Variants in PSKH1 observed in about 807,000 individuals in gnomAD.
The protein encoded by PSKH1 is protein serine kinase H1.
PSKH1 carries 12 observed loss-of-function variants against 26.7 expected under a neutral mutation model. The ratio of observed to expected loss-of-function variants is 0.45; its 90% confidence interval spans 0.29 to 0.73. The LOEUF (loss-of-function observed/expected upper bound fraction) is 0.73. Ranked by LOEUF, PSKH1 falls within the 30% of genes least tolerant of loss-of-function variation. The probability of loss-of-function intolerance (pLI) is 0.11; values close to 1 mark genes in which losing one functional copy is unlikely to be tolerated. For missense variants in PSKH1, 431 were observed against 595.2 expected (o/e 0.72, Z 2.87); for synonymous variants, 213 against 234.3 (o/e 0.91, Z 0.83).
intron 2 of PSKH1, among the ~76,000 whole-genome samples, chr16:67,926,114 A>T (rs2058215588): frequency 6.6e-6 from 1 of 152,054 alleles, no homozygotes; most frequent in South Asian, 2.1e-4. Context: ...AAGTGAGGGG[A>T]TCGTTAGCAT....
At chr16:67,921,314 C>T (rs1368178425) in intron 2 of PSKH1, among the ~76,000 whole-genome samples, 1 of 151,790 alleles carries the variant, frequency 6.6e-6, no homozygotes, top group Admixed American at 6.6e-5. Flanking sequence ...CTGTGGCTCA[C>T]GCCTGTATCC....
chr16:67,913,837 C>T (rs1384960596), intron 2 of PSKH1, among the ~76,000 whole-genome samples: 1 of 152,106 alleles, frequency 6.6e-6, no homozygotes, highest in Non-Finnish European at 1.5e-5. Context: ...ATAACACTGA[C>T]CTATAAGAAC....
In PSKH1 at chr16:67,901,981, C is replaced by T. The variant is rs531824380; in HGVS notation, c.-70-6699C>T. ...ATTTGTTTAAAGTGAAAAGTGAGGCCGGGTGCAGTGGCTCACACCTGTAAT... is the reference window on the plus strand; with the variant it reads ...ATTTGTTTAAAGTGAAAAGTGAGGCTGGGTGCAGTGGCTCACACCTGTAAT... On this transcript the variant is annotated intron_variant, in intron 1 of 2. Coordinates refer to ENST00000291041, the MANE Select transcript of PSKH1 (RefSeq NM_006742.3). Among the ~76,000 whole-genome samples, 4 of 152,038 alleles carry T rather than the reference C, an allele frequency of 2.6e-5. No homozygotes were observed. In the South Asian group the frequency reaches 8.3e-4, roughly 32 times the overall value.
chr16:67,924,546 G>A (rs1482457152), intron 2 of PSKH1, among the ~76,000 whole-genome samples: 1 of 152,246 alleles, frequency 6.6e-6, no homozygotes, highest in East Asian at 1.9e-4. Flanking sequence ...GTGTGGATGT[G>A]AAGTGGTGAA....
intron 1 of PSKH1, among the ~76,000 whole-genome samples, chr16:67,902,880 A>C (rs991353685): frequency 1.3e-5 from 2 of 152,100 alleles, no homozygotes; most frequent in Non-Finnish European, 1.5e-5. Context: ...TACCAGCCCA[A>C]GAGGAGCTTC....
chr16:67,922,658 T>C (rs1367582937), intron 2 of PSKH1, among the ~76,000 whole-genome samples: 1 of 151,982 alleles, frequency 6.6e-6, no homozygotes, highest in Non-Finnish European at 1.5e-5. Context: ...GGACTTAGAG[T>C]TCATGACATT....
chr16:67,919,520 C>T (rs2058196377), intron 2 of PSKH1, among the ~76,000 whole-genome samples: 1 of 152,224 alleles, frequency 6.6e-6, no homozygotes. Context: ...CAGATGCCCC[C>T]ATACCTGGCC....
At chr16:67,893,954 A>G (rs1053593699) in intron 1 of PSKH1, among the ~76,000 whole-genome samples, 1 of 152,194 alleles carries the variant, frequency 6.6e-6, no homozygotes, top group South Asian at 2.1e-4. Flanking sequence ...AAATCTGAGT[A>G]AGTCCTTCAC....
chr16:67,900,731 C>T (rs571014339), intron 1 of PSKH1, among the ~76,000 whole-genome samples: 2 of 152,128 alleles, frequency 1.3e-5, no homozygotes, highest in Non-Finnish European at 2.9e-5. Context: ...GTCCAATGTG[C>T]GTGCCTTCTT....
chr16:67,904,438 T>C (rs1039285643), intron 1 of PSKH1, among the ~76,000 whole-genome samples: 1 of 152,046 alleles, frequency 6.6e-6, no homozygotes, highest in African/African-American at 2.4e-5. Context: ...ACTCCTGACC[T>C]TGTGATCCGC....
chr16:67,914,159 T>A (rs1451586196), intron 2 of PSKH1, among the ~76,000 whole-genome samples: 1 of 152,050 alleles, frequency 6.6e-6, no homozygotes, highest in African/African-American at 2.4e-5. Context: ...CTGAATTTTT[T>A]TTTTTTTGAG....
Position 67,909,386 on chromosome 16 carries a change from G to A in PSKH1, c.637G>A (p.Gly213Ser). Reference sequence around the variant, plus strand: ...TGGCGTCCGGTATCTGCATGCACTGGGCATCACACACCGAGACCTCAAACC... The same window carrying A: ...TGGCGTCCGGTATCTGCATGCACTGAGCATCACACACCGAGACCTCAAACC... ...LDGVRYLHALGITHRDLKPEN... is the reference protein window; with the variant it reads ...LDGVRYLHALSITHRDLKPEN... The change falls in exon 2 of 3, where the codon GGC becomes AGC. Residue 213 changes from glycine (G) to serine (S), a missense_variant. By Grantham distance (56) the Gly-to-Ser change is moderately conservative. Coordinates refer to ENST00000291041, the MANE Select transcript of PSKH1 (RefSeq NM_006742.3). The surrounding 1 kb of genome is among the most constrained non-coding windows in gnomAD (Gnocchi z 7.8). The A allele has an allele frequency of 6.2e-7, 1 of 1,613,588 alleles. No individual in the cohort carries two copies. The highest frequency in any genetic ancestry group is 8.5e-7 in the Non-Finnish European group (1 of 1,179,948).
intron 1 of PSKH1, among the ~76,000 whole-genome samples, chr16:67,900,775 G>A (rs2058139510): frequency 6.6e-6 from 1 of 152,122 alleles, no homozygotes; most frequent in African/African-American, 2.4e-5. Context: ...GGGAGTTTAA[G>A]TTTTGGAGGC....
intron 1 of PSKH1, among the ~76,000 whole-genome samples, chr16:67,903,459 C>T (rs1398130041): frequency 3.3e-5 from 5 of 151,950 alleles, no homozygotes; most frequent in Non-Finnish European, 5.9e-5. Context: ...ATAGATAAAC[C>T]TCATTTTTTC....
chr16:67,924,392 G>A lies in PSKH1; in HGVS notation c.958-2933G>A, dbSNP rs949310177. On this transcript the variant is annotated intron_variant, in intron 2 of 2. Transcript: ENST00000291041. ...CACTAACAGGCCGGCCGCTCCATGA[G>A]CAGCAGGGGTTGATGCCTGCTGGTG... Among the ~76,000 whole-genome samples, 9 of 152,344 alleles carry A rather than the reference G, an allele frequency of 5.9e-5. 1 individual carries two copies. The Middle Eastern group carries it at 0.01, about 173-fold the overall frequency.
intron 2 of PSKH1, among the ~76,000 whole-genome samples, chr16:67,924,494 A>G (rs1280565006): frequency 1.3e-5 from 2 of 152,214 alleles, no homozygotes; most frequent in Admixed American, 1.3e-4. Flanking sequence ...CCAAGACTGC[A>G]CTGGTGACTG....
chr16:67,903,898 G>A (rs2058148653), intron 1 of PSKH1, among the ~76,000 whole-genome samples: 1 of 148,644 alleles, frequency 6.7e-6, no homozygotes, highest in East Asian at 2.0e-4. Context: ...CACCCAGGCT[G>A]GAGTGTAGTG....
At chr16:67,919,468 G>C (rs1196403852) in intron 2 of PSKH1, among the ~76,000 whole-genome samples, 1 of 152,256 alleles carries the variant, frequency 6.6e-6, no homozygotes, top group Non-Finnish European at 1.5e-5. Context: ...TCAAGTGCTG[G>C]ATGCTTGTGC....
rs979512974 is a variant in PSKH1, at chr16:67,927,199, A to G, written c.958-126A>G. The G allele has an allele frequency of 4.1e-6, 4 of 974,256 alleles. No homozygotes were observed. The highest frequency in any genetic ancestry group is 1.6e-5 in the African/African-American group (1 of 61,322). The allele number at this position is 974,256 out of a possible 1,614,324, so 60.4% of individuals were successfully genotyped here. ...GCCAGCGTTGGGCGGGGAGGCCCCA[A>G]GTGCTACATGAGAGGAGGGGCAGCA... On this transcript the variant is annotated intron_variant, in intron 2 of 2. Transcript: ENST00000291041. This position sits in a 1 kb window ranked among gnomAD's most constrained non-coding sequence, Gnocchi z 5.5.
Sources: allele counts gnomAD v4.1 joint callset (sites outside exome capture counted in the v4.1 genomes callset), GRCh38; gene constraint gnomAD v4.1.1; non-coding constraint Gnocchi (gnomAD v3.1); transcripts MANE v1.5; gene names NCBI Gene and HGNC (gene_info 2026-07-23, HGNC 2026-07-21).